The following MATCAP2 variants were observed in gnomAD, a reference collection of about 807,000 sequenced individuals.
The protein encoded by MATCAP2 is putative tyrosine carboxypeptidase MATCAP2.
At chr7:36,332,698 C>A in the MATCAP2 span, among the ~76,000 whole-genome samples, 1 of 152,166 alleles carries the variant, frequency 6.6e-6, no homozygotes, top group African/African-American at 2.4e-5. Context: ...GAGGCCGAGG[C>A]GGTTGGATCA....
At chr7:36,382,639 C>T in the MATCAP2 span, among the ~76,000 whole-genome samples, 1 of 152,076 alleles carries the variant, frequency 6.6e-6, no homozygotes, top group South Asian at 2.1e-4. Context: ...ACTACAGGTG[C>T]CTGCCACCAG....
the MATCAP2 span, chr7:36,326,562 C>T: frequency 3.8e-5 from 15 of 397,046 alleles, no homozygotes; most frequent in Non-Finnish European, 6.2e-5. Flanking sequence ...AATAACTTCC[C>T]CCTGCAACCT....
chr7:36,389,974 T>C, the MATCAP2 span: 6 of 1,614,094 alleles, frequency 3.7e-6, no homozygotes, highest in South Asian at 5.5e-5. Flanking sequence ...CACTTTTCTC[T>C]TCCTGAATTT....
the MATCAP2 span, among the ~76,000 whole-genome samples, chr7:36,386,743 G>A: frequency 2.6e-5 from 4 of 152,294 alleles, no homozygotes; most frequent in South Asian, 8.3e-4. Flanking sequence ...AGTGATAAGA[G>A]AAAGGCACTC....
the MATCAP2 span, chr7:36,326,605 T>C: frequency 3.8e-6 from 2 of 521,772 alleles, no homozygotes; most frequent in Admixed American, 3.8e-5. Flanking sequence ...GTTTAAGATC[T>C]GTACTTAACC....
the MATCAP2 span, among the ~76,000 whole-genome samples, chr7:36,363,782 A>C: frequency 1.1e-4 from 17 of 152,222 alleles, no homozygotes. Context: ...CATACTTCAT[A>C]GTATTATTGT....
At chr7:36,333,595 A>G in the MATCAP2 span, among the ~76,000 whole-genome samples, 1 of 152,214 alleles carries the variant, frequency 6.6e-6, no homozygotes, top group African/African-American at 2.4e-5. Context: ...AATGTTAACA[A>G]TAAGTGAATC....
chr7:36,389,962 C>G, the MATCAP2 span: 46 of 1,613,920 alleles, frequency 2.9e-5, no homozygotes, highest in Non-Finnish European at 3.6e-5. Context: ...TGAGCTGAGA[C>G]TCACTTTTCT....
the MATCAP2 span, among the ~76,000 whole-genome samples, chr7:36,373,831 C>T: frequency 2.0e-5 from 3 of 152,170 alleles, no homozygotes; most frequent in South Asian, 6.2e-4. Context: ...GTTGCCCAGG[C>T]TGGAGTGCAG....
chr7:36,374,648 C>T, the MATCAP2 span, among the ~76,000 whole-genome samples: 3 of 152,106 alleles, frequency 2.0e-5, no homozygotes, highest in Non-Finnish European at 2.9e-5. Flanking sequence ...ATTAACTCAT[C>T]ATTTACATTA....
the MATCAP2 span, chr7:36,390,328 G>A: frequency 5.9e-6 from 3 of 508,048 alleles, no homozygotes; most frequent in African/African-American, 1.9e-5. Flanking sequence ...TTTTTACCAT[G>A]TCCCTCTGCA....
the MATCAP2 span, among the ~76,000 whole-genome samples, chr7:36,376,161 T>C: frequency 1.3e-5 from 2 of 152,212 alleles, no homozygotes; most frequent in African/African-American, 2.4e-5. Context: ...CTTGCTTCTC[T>C]AGTTCTTTAA....
At chr7:36,366,907 G>C in the MATCAP2 span, 1 of 1,455,304 alleles carries the variant, frequency 6.9e-7, no homozygotes. Context: ...AGCCCTTCCC[G>C]GCACTCACCC....
the MATCAP2 span, chr7:36,366,701 T>C: frequency 1.3e-6 from 2 of 1,535,010 alleles, no homozygotes; most frequent in Non-Finnish European, 1.7e-6. Flanking sequence ...AGCAGGTACT[T>C]ACTGATAATA....
At chr7:36,372,119 T>C in the MATCAP2 span, among the ~76,000 whole-genome samples, 1 of 152,198 alleles carries the variant, frequency 6.6e-6, no homozygotes, top group East Asian at 1.9e-4. Context: ...GTTTTTATCT[T>C]ATTAACACAA....
chr7:36,365,360 G>A, the MATCAP2 span, among the ~76,000 whole-genome samples: 60 of 152,190 alleles, frequency 3.9e-4, no homozygotes, highest in South Asian at 2.7e-3. Context: ...TTATGGGGGC[G>A]GGGCAGAGAA....
chr7:36,353,535 C>T, the MATCAP2 span, among the ~76,000 whole-genome samples: 1 of 141,522 alleles, frequency 7.1e-6, no homozygotes, highest in South Asian at 2.2e-4. Context: ...GGCTGGAGTG[C>T]AGTGGTGCGA....
At chr7:36,389,329 G>A in the MATCAP2 span, among the ~76,000 whole-genome samples, 13 of 152,094 alleles carry the variant, frequency 8.5e-5, no homozygotes, top group Admixed American at 7.9e-4. Context: ...CCACAGTGCT[G>A]GGATTATGTC....
the MATCAP2 span, among the ~76,000 whole-genome samples, chr7:36,352,269 C>T: frequency 4.6e-5 from 7 of 151,644 alleles, no homozygotes; most frequent in East Asian, 3.9e-4. Context: ...TGGCAGCGCA[C>T]GCCTGTAATC....
Sources: gnomAD v4.1 joint callset for allele counts (sites outside exome capture counted in the v4.1 genomes callset) on GRCh38, gnomAD v4.1.1 for gene constraint, MANE v1.5 for transcripts, NCBI Gene and HGNC (gene_info 2026-07-23, HGNC 2026-07-21) for gene names.